AFF4: variants seen among roughly 807,000 people sequenced by gnomAD.
AFF4 encodes ALF transcription elongation factor 4.
AFF4 carries 13 observed loss-of-function variants against 124.8 expected under a neutral mutation model. The ratio of observed to expected loss-of-function variants is 0.10; its 90% CI spans 0.07 to 0.17. The LOEUF (loss-of-function observed/expected upper bound fraction) is 0.17, where lower values mean the gene tolerates loss of function less well. AFF4 is among the 10% of genes least tolerant of loss of function. The pLI is 1.00. For synonymous variants in AFF4, 477 were observed against 496.1 expected (o/e 0.96, Z 0.51); for missense variants, 1,092 against 1,403.8 (o/e 0.78, Z 3.55).
chr5:132,905,695 C>G (rs972532119), intron 5 of AFF4, among the ~76,000 whole-genome samples: 1 of 151,938 alleles, frequency 6.6e-6, no homozygotes, highest in Non-Finnish European at 1.5e-5. Context: ...GATCAAAGAC[C>G]TATAAATGTA....
At chr5:132,886,530 T>G in intron 17 of AFF4, 127 bp from the exon 18 acceptor site, 1 of 764,268 alleles carries the variant, frequency 1.3e-6, no homozygotes, top group Non-Finnish European at 2.1e-6. Context: ...ACATTAACCG[T>G]TAGGCAAAAC....
intron 1 of AFF4, among the ~76,000 whole-genome samples, chr5:132,950,303 C>T (rs1761811526): frequency 6.6e-6 from 1 of 151,852 alleles, no homozygotes; most frequent in Non-Finnish European, 1.5e-5. Context: ...TGGAGAAACC[C>T]CGTCTCTACT....
In AFF4 at chr5:132,875,953, T is replaced by TCTCCCCTCCAAAACC; in HGVS notation, c.*5091_*5105dup. ...GGCTTTTAATTTATCAGTGACATTA[T>TCTCCCCTCCAAAACC]CTCCCCTCCAAAACCCTCCCCAAAT... On this transcript the variant is annotated 3_prime_UTR_variant, in exon 21 of 21. Transcript: ENST00000265343. 4.4e-6 allele frequency: 1 copy of TCTCCCCTCCAAAACC among 226,754 alleles called. No homozygotes were observed. Among genetic ancestry groups the TCTCCCCTCCAAAACC allele is most frequent in the African/African-American group, 2.2e-5 (1 of 45,084 alleles). The allele number at this position is 226,754 out of a possible 1,614,324, so 14.0% of individuals were successfully genotyped here.
intron 11 of AFF4, among the ~76,000 whole-genome samples, chr5:132,893,497 AAATTTT>A (rs565563410): frequency 4.8e-4 from 73 of 152,316 alleles, no homozygotes; most frequent in African/African-American, 1.4e-3. Context: ...TACCACAATG[AAATTTT>A]AATTTTATTT....
chr5:132,925,290 A>G (rs1181395722), intron 5 of AFF4, among the ~76,000 whole-genome samples: 1 of 152,040 alleles, frequency 6.6e-6, no homozygotes, highest in East Asian at 1.9e-4. Flanking sequence ...AAATTTTTAA[A>G]TCTACCTGAC....
At position 132,957,664 on chromosome 5, in the gene AFF4, G is replaced by A. The variant is rs554615278; in HGVS notation, c.-5+5595C>T. Among the ~76,000 whole-genome samples, 18 of 152,156 alleles carry A rather than the reference G, an allele frequency of 1.2e-4. No homozygotes were observed. The South Asian group carries it at 2.3e-3, about 19-fold the overall frequency. ...CAGGACTGCTTGAAATCCAGGAAGC[G>A]GAGGTTGCAGTGAGTTGAGATCATG... On this transcript the variant is annotated intron_variant, in intron 1 of 20. Transcript: ENST00000265343.
chr5:132,876,303 A>G lies in AFF4; in HGVS notation c.*4756T>C, dbSNP rs567551106. 5 of 228,348 alleles carry G rather than the reference A, an allele frequency of 2.2e-5. No individual in the cohort carries two copies. The highest frequency in any genetic ancestry group is 4.4e-5 in the African/African-American group (2 of 45,090). 14.1% of individuals were successfully genotyped at this position (228,348 alleles called of 1,614,324 possible). On this transcript the variant is annotated 3_prime_UTR_variant, in exon 21 of 21. Coordinates refer to ENST00000265343, the MANE Select transcript of AFF4 (RefSeq NM_014423.4). ...GGGACACTTCTGGAACACCAACAAC[A>G]AACTCAACAATATGGATGATCATGG...
rs1246333651 is a variant in AFF4, at chr5:132,946,839, G to A, written c.-4-9646C>T. Among the ~76,000 whole-genome samples, 3 of 152,068 alleles carry A rather than the reference G, an allele frequency of 2.0e-5. No individual in the cohort carries two copies. The East Asian group carries it at 5.8e-4, about 29-fold the overall frequency. On this transcript the variant is annotated intron_variant, in intron 1 of 20. Coordinates refer to ENST00000265343, the MANE Select transcript of AFF4 (RefSeq NM_014423.4). ...ACACCTTAAAAATAAAAATTTAAAT[G>A]TGTATTCCTAGGAATTAAATGCATT...
At position 132,907,055 on chromosome 5, in the gene AFF4, GATTT is replaced by G. The variant is rs766868637; in HGVS notation, c.1051-2655_1051-2652del. On this transcript the variant is annotated intron_variant, in intron 5 of 20. Coordinates refer to ENST00000265343, the MANE Select transcript of AFF4 (RefSeq NM_014423.4). ...AATAGCCCCATATTCCAAATAATCT[GATTT>G]ATTTGTCTTATATCTGACAATAGTC... 4.6e-5 allele frequency among the ~76,000 whole-genome samples: 7 copies of G among 152,198 alleles called. No homozygotes were observed. In the East Asian group the frequency reaches 5.8e-4, roughly 13 times the overall value.
Position 132,896,240 on chromosome 5 carries a change from T to C in AFF4, c.2307+83A>G. 5 of 1,478,226 alleles carry C rather than the reference T, an allele frequency of 3.4e-6. No individual in the cohort carries two copies. In the Admixed American group the frequency reaches 1.1e-4, roughly 33 times the overall value. 91.6% of individuals were successfully genotyped at this position (1,478,226 alleles called of 1,614,324 possible). On this transcript the variant is annotated intron_variant, in intron 11 of 20. Transcript: ENST00000265343. The stretch of plus-strand genomic sequence containing the variant: ...TTTCCTTCACAGCTTATGACCCACC[T>C]TGTTACTTTGTGGCTTACTGAGATT...
chr5:132,928,572 T>C (rs922296484), intron 4 of AFF4, among the ~76,000 whole-genome samples: 8 of 152,336 alleles, frequency 5.3e-5, no homozygotes, highest in African/African-American at 1.9e-4. Flanking sequence ...TCCACTGCAA[T>C]GCTCTATTCC....
At chr5:132,903,489 C>T (rs3798126) in intron 6 of AFF4, among the ~76,000 whole-genome samples, 128,293 of 152,142 alleles carry the variant, frequency 0.84, 54,713 homozygotes, top group Middle Eastern at 0.93. Flanking sequence ...CAGAGGTATA[C>T]GGTAAAGCCC....
chr5:132,959,385 G>A (rs907833016), intron 1 of AFF4, among the ~76,000 whole-genome samples: 3 of 152,106 alleles, frequency 2.0e-5, no homozygotes, highest in African/African-American at 7.2e-5. Flanking sequence ...CTCCCAAAGT[G>A]CTGGGATTAC....
chr5:132,907,809 C>T (rs1307948175), intron 5 of AFF4, among the ~76,000 whole-genome samples: 1 of 151,646 alleles, frequency 6.6e-6, no homozygotes, highest in African/African-American at 2.4e-5. Context: ...ATGGCTTGTA[C>T]AAGGAACTTA....
At chr5:132,941,745 C>T (rs529685113) in intron 1 of AFF4, among the ~76,000 whole-genome samples, 44 of 152,088 alleles carry the variant, frequency 2.9e-4, no homozygotes, top group African/African-American at 9.4e-4. Flanking sequence ...CGGTGGCTCA[C>T]GCCTGCAATC....
chr5:132,931,800 C>G (rs113233117), intron 4 of AFF4, among the ~76,000 whole-genome samples: 2 of 152,014 alleles, frequency 1.3e-5, no homozygotes, highest in African/African-American at 4.8e-5. Context: ...AAAAATCAGC[C>G]GGGCATGATG....
intron 5 of AFF4, among the ~76,000 whole-genome samples, chr5:132,925,442 T>A (rs1761149466): frequency 1.3e-5 from 2 of 151,992 alleles, no homozygotes; most frequent in African/African-American, 4.8e-5. Context: ...AAGAGAAAGA[T>A]ATATTTTATT....
intron 5 of AFF4, chr5:132,926,774 G>A: frequency 6.9e-6 from 1 of 144,378 alleles, no homozygotes. Context: ...TGACCAGGCT[G>A]GTCGCAAACT....
intron 1 of AFF4, among the ~76,000 whole-genome samples, chr5:132,954,218 A>G (rs1761902833): frequency 1.3e-5 from 2 of 152,152 alleles, no homozygotes; most frequent in South Asian, 2.1e-4. Context: ...AAAGAAAACC[A>G]TTTCACCTCA....
Sources: allele counts gnomAD v4.1 joint callset (sites outside exome capture counted in the v4.1 genomes callset), GRCh38; gene constraint gnomAD v4.1.1; transcripts MANE v1.5; gene names NCBI Gene and HGNC (gene_info 2026-07-23, HGNC 2026-07-21).